Variants in BRF1 observed in about 807,000 individuals in gnomAD.
BRF1 encodes the protein BRF1 general transcription factor IIIB subunit.
A neutral mutation model predicts 81.7 loss-of-function variants in BRF1; 59 were observed. The ratio of observed to expected loss-of-function variants is 0.72; its 90% confidence interval spans 0.59 to 0.90. BRF1 has a LOEUF of 0.90. Among genes scored for constraint, BRF1 ranks in the 40% least tolerant of loss-of-function variants. The pLI is 0.00. For missense variants in BRF1, 1,050 were observed against 936.3 expected, an observed-to-expected ratio of 1.12 and a Z score of -1.58; for synonymous variants, 491 against 395.6, an observed-to-expected ratio of 1.24 and a Z score of -2.86.
chr14:105,308,167 A>C (rs1276656443), intron 1 of BRF1, among the ~76,000 whole-genome samples: 1 of 150,702 alleles, frequency 6.6e-6, no homozygotes. Flanking sequence ...TGGACCATAG[A>C]GTGAGACTCT....
In BRF1 at chr14:105,300,522, G is replaced by A. The variant is rs748012561; in HGVS notation, c.108C>T (p.Ile36=). The change falls in exon 1 of 18, where the codon ATC becomes ATT. Residue 36 remains isoleucine, a synonymous_variant. Transcript: ENST00000547530. ...CCACGAACTGCACCTCGGACACGAT[G>A]ATGTTGTCCTCCAGCACTGAGCCGC... ...TACGSVLEDN[I]IVSEVQFVES... 15 of 1,538,092 alleles carry A rather than the reference G, an allele frequency of 9.8e-6. No homozygotes were observed. In the Admixed American group the frequency reaches 2.6e-4, roughly 26 times the overall value.
At chr14:105,260,386 T>C (rs954315483) in intron 3 of BRF1, among the ~76,000 whole-genome samples, 9 of 152,100 alleles carry the variant, frequency 5.9e-5, no homozygotes, top group South Asian at 2.1e-4. Context: ...TTTTTTTTTT[T>C]CCCGAGATGA....
chr14:105,217,286 C>A (rs1161037740), intron 15 of BRF1: 3 of 599,228 alleles, frequency 5.0e-6, no homozygotes, highest in Admixed American at 3.0e-5. Context: ...CTCCTTGGGA[C>A]AAAACAGAGC....
At chr14:105,297,273 A>G (rs2057784835) in intron 1 of BRF1, among the ~76,000 whole-genome samples, 1 of 152,168 alleles carries the variant, frequency 6.6e-6, no homozygotes, top group African/African-American at 2.4e-5. Context: ...AAGATTCAAC[A>G]TAGAAAAAAT....
At chr14:105,251,480 C>T (rs1046805499) in intron 5 of BRF1, among the ~76,000 whole-genome samples, 3 of 152,202 alleles carry the variant, frequency 2.0e-5, no homozygotes, top group Admixed American at 2.0e-4. Context: ...GCTCTCCCAC[C>T]CCTTGTCTCT....
chr14:105,215,501 ACG>A (rs1285767013), intron 15 of BRF1, among the ~76,000 whole-genome samples: 3 of 151,956 alleles, frequency 2.0e-5, no homozygotes, highest in African/African-American at 7.3e-5. Flanking sequence ...GAGTGCACCA[ACG>A]CACACACGTA....
At chr14:105,226,876 A>T in intron 7 of BRF1, 116 bp from the exon 8 acceptor site, 1 of 1,501,808 alleles carries the variant, frequency 6.7e-7, no homozygotes, top group South Asian at 1.2e-5. Flanking sequence ...TGGGAGCCCA[A>T]GGTGGGTGGA....
chr14:105,303,853 A>C (rs958876845), upstream of BRF1, among the ~76,000 whole-genome samples: 1 of 152,348 alleles, frequency 6.6e-6, no homozygotes, highest in South Asian at 2.1e-4. Flanking sequence ...TTATGGCAAC[A>C]CTAGCTTGCA....
chr14:105,296,274 C>T (rs920513617), intron 1 of BRF1, among the ~76,000 whole-genome samples: 1 of 152,074 alleles, frequency 6.6e-6, no homozygotes, highest in Non-Finnish European at 1.5e-5. Context: ...CCTGTAATCC[C>T]AGGACTTTGG....
At chr14:105,241,182 C>A in intron 6 of BRF1, 83 bp downstream of exon 6, 1 of 1,565,182 alleles carries the variant, frequency 6.4e-7, no homozygotes, top group Non-Finnish European at 8.6e-7. Context: ...ACATACGGCC[C>A]AGCCCACCAG....
rs757319706 is a variant in BRF1, at chr14:105,209,396, A to AG, written c.*1154dup. ...TGGCTACTGAGCTCTGGGCGGGGGT[A>AG]GGGGGGTCTGGCCTGCTGCGGGCCA... On this transcript the variant is annotated 3_prime_UTR_variant, in exon 18 of 18. Transcript: ENST00000547530. The AG allele has an allele frequency of 2.8e-5, 18 of 644,024 alleles. No individual in the cohort carries two copies. Among genetic ancestry groups the AG allele is most frequent in the South Asian group, 1.5e-4 (9 of 59,446 alleles). The allele number at this position is 644,024 out of a possible 1,614,324, so 39.9% of individuals were successfully genotyped here.
At chr14:105,291,672 T>C (rs1169095275) in intron 1 of BRF1, among the ~76,000 whole-genome samples, 2 of 152,054 alleles carry the variant, frequency 1.3e-5, no homozygotes, top group African/African-American at 2.4e-5. Flanking sequence ...CTGGAGACTT[T>C]CTGTTGCTGC....
chr14:105,226,789 A>C, intron 7 of BRF1, 29 bp from the exon 8 acceptor site: 1 of 1,612,788 alleles, frequency 6.2e-7, no homozygotes, highest in Non-Finnish European at 8.5e-7. Context: ...TGGGAAATGG[A>C]GCTGGTGGCT....
chr14:105,310,941 T>C (rs985755435), intron 1 of BRF1, among the ~76,000 whole-genome samples: 2 of 152,202 alleles, frequency 1.3e-5, no homozygotes, highest in Non-Finnish European at 2.9e-5. Flanking sequence ...CACATGGACA[T>C]GCATTTTCAC....
intron 15 of BRF1, among the ~76,000 whole-genome samples, chr14:105,214,361 C>T (rs1384498989): frequency 2.0e-5 from 3 of 152,104 alleles, no homozygotes; most frequent in African/African-American, 4.8e-5. Context: ...CGAGTGACCA[C>T]AGAGTGAGGA....
rs948211450 is a variant in BRF1 at position 105,299,447 on chromosome 14, C to T, written c.184+999G>A. 1.0e-3 allele frequency among the ~76,000 whole-genome samples: 157 copies of T among 152,190 alleles called. 1 individual carries two copies. The highest frequency in any genetic ancestry group is 5.8e-3 in the Admixed American group (89 of 15,264). ...TAAATGATCACAGCATGGTGGCATG[C>T]ACCTGTAGTCTCAGCTACTCAGGAG... On this transcript the variant is annotated intron_variant, in intron 1 of 17. Coordinates refer to ENST00000547530, the MANE Select transcript of BRF1 (RefSeq NM_001519.4).
chr14:105,243,526 T>C (rs1324302979), intron 5 of BRF1, among the ~76,000 whole-genome samples: 1 of 149,886 alleles, frequency 6.7e-6, no homozygotes, highest in East Asian at 1.9e-4. Context: ...GCTGAGGCAG[T>C]AGGATCACTT....
At chr14:105,256,320 C>T in intron 4 of BRF1, 198 bp downstream of exon 4, 2 of 1,549,134 alleles carry the variant, frequency 1.3e-6, no homozygotes, top group Non-Finnish European at 1.7e-6. Context: ...GACCCACACT[C>T]CCACAAGTCT....
intron 5 of BRF1, among the ~76,000 whole-genome samples, chr14:105,245,697 G>A (rs1446030280): frequency 6.6e-6 from 1 of 152,150 alleles, no homozygotes; most frequent in Non-Finnish European, 1.5e-5. Context: ...TCTTCAATAT[G>A]CAGCGCTGGG....
Sources: allele counts gnomAD v4.1 joint callset (sites outside exome capture counted in the v4.1 genomes callset), GRCh38; gene constraint gnomAD v4.1.1; transcripts MANE v1.5; gene names NCBI Gene and HGNC (gene_info 2026-07-23, HGNC 2026-07-21).